CACNA2D3: variants seen among roughly 807,000 people sequenced by gnomAD.
The protein encoded by CACNA2D3 is calcium voltage-gated channel auxiliary subunit alpha2delta 3, also known as voltage-dependent calcium channel subunit alpha-2/delta-3.
A neutral mutation model predicts 160.6 loss-of-function variants in CACNA2D3; 60 were observed. That is an observed-to-expected ratio of 0.37 (90% CI 0.30 to 0.46). The LOEUF is 0.46. CACNA2D3 is among the 20% of genes least tolerant of loss of function. CACNA2D3 has a pLI of 1.00. For missense variants in CACNA2D3, 1,205 were observed against 1,365.0 expected (o/e 0.88, Z 1.85); for synonymous variants, 558 against 492.9 (o/e 1.13, Z -1.75).
chr3:54,626,598 C>G (rs1168806206), intron 9 of CACNA2D3: 2 of 1,427,186 alleles, frequency 1.4e-6, no homozygotes, highest in Non-Finnish European at 1.9e-6. Context: ...TAAAGCACGG[C>G]GGGCCCGGCA....
chr3:54,292,531 T>C (rs1204169270), intron 2 of CACNA2D3, among the ~76,000 whole-genome samples: 1 of 151,904 alleles, frequency 6.6e-6, no homozygotes, highest in African/African-American at 2.4e-5. Context: ...TAAACATATA[T>C]CTTCAAAGAA....
chr3:54,357,827 T>C (rs1420344615), intron 3 of CACNA2D3, among the ~76,000 whole-genome samples: 2 of 152,218 alleles, frequency 1.3e-5, no homozygotes, highest in East Asian at 3.8e-4. Context: ...AAAGTCTACA[T>C]GCTGCATGAT....
intron 3 of CACNA2D3, among the ~76,000 whole-genome samples, chr3:54,330,210 A>ATGTGTGTG (rs10591706): frequency 2.7e-5 from 4 of 146,596 alleles, no homozygotes; most frequent in East Asian, 4.1e-4. Context: ...TTTAATTGAT[A>ATGTGTGTG]TGTGTGTGTG....
At chr3:55,073,417 A>C in intron 35 of CACNA2D3, 28 bp from the exon 36 acceptor site, 1 of 1,537,912 alleles carries the variant, frequency 6.5e-7, no homozygotes, top group Non-Finnish European at 9.0e-7. Context: ...ATGGTAAATG[A>C]CTGCCTCGCT....
intron 6 of CACNA2D3, among the ~76,000 whole-genome samples, chr3:54,565,576 C>T (rs1702396735): frequency 6.6e-6 from 1 of 152,154 alleles, no homozygotes; most frequent in South Asian, 2.1e-4. Flanking sequence ...ACTAATGTCA[C>T]TGGCCACACA....
intron 2 of CACNA2D3, among the ~76,000 whole-genome samples, chr3:54,136,473 C>G (rs1052203512): frequency 6.6e-6 from 1 of 152,170 alleles, no homozygotes; most frequent in African/African-American, 2.4e-5. Context: ...TTCTTTCTTC[C>G]TTCTCTCACT....
rs114802903 is a variant in CACNA2D3, at chr3:54,730,798, C to T, written c.1168-21801C>T. 4.9e-3 allele frequency among the ~76,000 whole-genome samples: 749 copies of T among 152,240 alleles called. 3 individuals carry two copies. Among genetic ancestry groups the T allele is most frequent in the South Asian group, 9.3e-3 (45 of 4,818 alleles). On this transcript the variant is annotated intron_variant, in intron 11 of 37. Coordinates refer to ENST00000474759, the MANE Select transcript of CACNA2D3 (RefSeq NM_018398.3). ...GATTACAGGAGTGAGCCACTGTGCC[C>T]GCCCGAAACAGAATTATTTAACATA...
chr3:54,914,908 C>G (rs1370217769), intron 27 of CACNA2D3, among the ~76,000 whole-genome samples: 1 of 152,144 alleles, frequency 6.6e-6, no homozygotes, highest in South Asian at 2.1e-4. Context: ...AGGTTTCTAA[C>G]GGTTGTTGGA....
Position 54,838,570 on chromosome 3 carries a change from A to G in CACNA2D3, c.1473A>G (p.Arg491=), listed in dbSNP as rs1357305368. ...MPVFSKQNET[R]SKGILLGVVG... ...AATTCAATGTTTATTTTCGACAGAG[A>G]TCGAAGGGCATTCTTCTGGGAGTGG... The change falls in exon 16 of 38, where the codon AGA becomes AGG. Residue 491 remains arginine, a splice_region_variant and synonymous_variant. Transcript: ENST00000474759. 1 of 1,611,692 alleles carries G rather than the reference A, an allele frequency of 6.2e-7. No individual in the cohort carries two copies. Among genetic ancestry groups the G allele is most frequent in the Admixed American group, 1.7e-5 (1 of 60,022 alleles).
intron 2 of CACNA2D3, among the ~76,000 whole-genome samples, chr3:54,169,037 T>A (rs1278781157): frequency 6.6e-6 from 1 of 152,208 alleles, no homozygotes; most frequent in South Asian, 2.1e-4. Flanking sequence ...ACACTGAGAA[T>A]ATGAAACATG....
At chr3:54,775,371 A>G (rs1355599293) in intron 13 of CACNA2D3, among the ~76,000 whole-genome samples, 2 of 152,320 alleles carry the variant, frequency 1.3e-5, no homozygotes, top group East Asian at 3.9e-4. Context: ...ACCCTTTCAT[A>G]TAAAGCATAT....
rs369254736 is a variant in CACNA2D3 at position 54,808,652 on chromosome 3, G to C, written c.1381-8201G>C. ...TAGGGCAAGGGACACTGAAGGAAAG[G>C]GGTTAGATAATGAACATAAAGAGAT... On this transcript the variant is annotated intron_variant, in intron 13 of 37. Coordinates refer to ENST00000474759, the MANE Select transcript of CACNA2D3 (RefSeq NM_018398.3). Among the ~76,000 whole-genome samples the C allele has an allele frequency of 9.2e-5, 14 of 152,252 alleles. No homozygotes were observed. In the East Asian group the frequency reaches 1.5e-3, roughly 17 times the overall value.
intron 35 of CACNA2D3, among the ~76,000 whole-genome samples, chr3:55,022,535 C>CT (rs373961106): frequency 4.7e-4 from 59 of 124,306 alleles, no homozygotes; most frequent in African/African-American, 2.8e-3. Context: ...TTCTTCCTTC[C>CT]TTCTTTCTTT....
rs1227148163 is a variant in CACNA2D3, at chr3:54,896,870, G to A, written c.2368G>A (p.Gly790Arg). 10 of 1,613,854 alleles carry A rather than the reference G, an allele frequency of 6.2e-6. No homozygotes were observed. Among genetic ancestry groups the A allele is most frequent in the Admixed American group, 1.7e-5 (1 of 60,012 alleles). The change falls in exon 26 of 38, where the codon GGA (glycine) becomes AGA (arginine). Residue 790 changes from glycine (G) to arginine (R), a missense_variant and splice_region_variant. Transcript: ENST00000474759. The stretch of plus-strand genomic sequence containing the variant: ...CGTCTACTCGATCCCATTCAGCACT[G>A]GTGGGTGCCCTTGTTGGAGGCGGGC... ...SFVYSIPFST[G>R]PVNKSNVVTA...
intron 2 of CACNA2D3, among the ~76,000 whole-genome samples, chr3:54,174,267 C>G (rs1478689910): frequency 1.3e-5 from 2 of 152,102 alleles, no homozygotes; most frequent in African/African-American, 4.8e-5. Context: ...GTTGGGACTT[C>G]CATTTTCAAA....
rs554764367 is a variant in CACNA2D3 at position 54,392,962 on chromosome 3, C to T, written c.381+6188C>T. ...GCTAGAAGAAGCCCTTAGTGCTTGTCCCCCGCCACCCTGCAAAGACAGCCA... is the reference window on the plus strand; with the variant it reads ...GCTAGAAGAAGCCCTTAGTGCTTGTTCCCCGCCACCCTGCAAAGACAGCCA... On this transcript the variant is annotated intron_variant, in intron 4 of 37. Coordinates refer to ENST00000474759, the MANE Select transcript of CACNA2D3 (RefSeq NM_018398.3). 2.0e-5 allele frequency among the ~76,000 whole-genome samples: 3 copies of T among 152,266 alleles called. No homozygotes were observed. The East Asian group carries it at 5.8e-4, about 29-fold the overall frequency.
In CACNA2D3 at chr3:54,303,752, T is replaced by A. The variant is rs573303125; in HGVS notation, c.205-16690T>A. Among the ~76,000 whole-genome samples, 122 of 152,030 alleles carry A rather than the reference T, an allele frequency of 8.0e-4. 2 individuals are homozygous for A. Among genetic ancestry groups the A allele is most frequent in the South Asian group, 1.5e-3 (7 of 4,802 alleles). On this transcript the variant is annotated intron_variant, in intron 2 of 37. Transcript: ENST00000474759. ...CATGCCCAGCTGTTATTAGCTGCTATCTTGATCGATTAGAAGATGGATTTG... is the reference window on the plus strand; with the variant it reads ...CATGCCCAGCTGTTATTAGCTGCTAACTTGATCGATTAGAAGATGGATTTG...
At chr3:54,391,985 G>T (rs191853767) in intron 4 of CACNA2D3, among the ~76,000 whole-genome samples, 5 of 152,262 alleles carry the variant, frequency 3.3e-5, no homozygotes, top group Admixed American at 2.6e-4. Flanking sequence ...TATTATAATA[G>T]CATCTCTCTC....
At chr3:54,288,840 G>A (rs952851867) in intron 2 of CACNA2D3, among the ~76,000 whole-genome samples, 4 of 152,140 alleles carry the variant, frequency 2.6e-5, no homozygotes, top group Non-Finnish European at 5.9e-5. Flanking sequence ...TATCTCAATA[G>A]ATGCAGAAAA....
Sources: allele counts gnomAD v4.1 joint callset (sites outside exome capture counted in the v4.1 genomes callset), GRCh38; gene constraint gnomAD v4.1.1; transcripts MANE v1.5; gene names NCBI Gene and HGNC (gene_info 2026-07-23, HGNC 2026-07-21).